The following WASF3 variants were observed in gnomAD, a reference collection of about 807,000 sequenced individuals.
WASF3 encodes WASP family member 3.
Under a neutral mutation model 46.6 loss-of-function variants are expected in WASF3, and 11 were observed. That is an observed-to-expected ratio of 0.24 (90% CI 0.15 to 0.39). The LOEUF is 0.39. Ranked by LOEUF, WASF3 falls within the 10% of genes least tolerant of loss-of-function variation. The probability of loss-of-function intolerance (pLI) is 1.00; values close to 1 mark genes in which losing one functional copy is unlikely to be tolerated. For synonymous variants in WASF3, 242 were observed against 259.7 expected (o/e 0.93, Z 0.65); for missense variants, 576 against 669.8 (o/e 0.86, Z 1.55).
intron 3 of WASF3, among the ~76,000 whole-genome samples, chr13:26,663,295 G>A (rs1882683352): frequency 6.6e-6 from 1 of 150,792 alleles, no homozygotes; most frequent in African/African-American, 2.5e-5. Context: ...ATGTTCAGTA[G>A]CTAGTTAGAT....
chr13:26,627,071 C>A (rs559372937), intron 2 of WASF3, among the ~76,000 whole-genome samples: 21 of 152,060 alleles, frequency 1.4e-4, no homozygotes, highest in Non-Finnish European at 2.5e-4. Context: ...AATCATTTGG[C>A]TTTAATTGGA....
At chr13:26,561,138 T>A (rs539488) in intron 1 of WASF3, among the ~76,000 whole-genome samples, 3 of 152,114 alleles carry the variant, frequency 2.0e-5, no homozygotes, top group East Asian at 1.9e-4. Flanking sequence ...GGACTGTGCC[T>A]TGTGGGGTCT....
chr13:26,546,594 C>T, the WASF3 span, among the ~76,000 whole-genome samples: 1 of 152,078 alleles, frequency 6.6e-6, no homozygotes, highest in Non-Finnish European at 1.5e-5. Flanking sequence ...TGCCTATAAT[C>T]CCAGCTACTT....
intron 1 of WASF3, among the ~76,000 whole-genome samples, chr13:26,559,231 T>C (rs1488580703): frequency 6.6e-6 from 1 of 152,242 alleles, no homozygotes; most frequent in Non-Finnish European, 1.5e-5. Context: ...TTTTCTTAGT[T>C]GGTATTCACA....
intron 1 of WASF3, among the ~76,000 whole-genome samples, chr13:26,610,199 A>G (rs945773991): frequency 6.6e-6 from 1 of 152,058 alleles, no homozygotes; most frequent in African/African-American, 2.4e-5. Flanking sequence ...TGTTCCCTTT[A>G]AAGAATCCTC....
At chr13:26,568,475 C>A (rs1170987119) in intron 1 of WASF3, among the ~76,000 whole-genome samples, 2 of 152,102 alleles carry the variant, frequency 1.3e-5, no homozygotes, top group Admixed American at 1.3e-4. Flanking sequence ...ACACCTTGAC[C>A]TGAGAATTTA....
intron 3 of WASF3, among the ~76,000 whole-genome samples, chr13:26,655,631 G>A (rs1251600975): frequency 6.6e-6 from 1 of 152,134 alleles, no homozygotes; most frequent in East Asian, 1.9e-4. Context: ...TTGCAGAATG[G>A]TGATTTTTTT....
At chr13:26,550,406 A>C in the WASF3 span, among the ~76,000 whole-genome samples, 1 of 152,320 alleles carries the variant, frequency 6.6e-6, no homozygotes, top group East Asian at 1.9e-4. Context: ...AACAGATCTT[A>C]TACACCAACA....
intron 7 of WASF3, among the ~76,000 whole-genome samples, chr13:26,677,296 C>T (rs1434037227): frequency 1.3e-5 from 2 of 152,144 alleles, no homozygotes; most frequent in Non-Finnish European, 2.9e-5. Flanking sequence ...TTCTTGCAGG[C>T]GTGAATGATG....
At chr13:26,592,971 A>G (rs1880348948) in intron 1 of WASF3, among the ~76,000 whole-genome samples, 1 of 152,136 alleles carries the variant, frequency 6.6e-6, no homozygotes, top group Non-Finnish European at 1.5e-5. Context: ...ATGTTTAAGC[A>G]GTCTAATATT....
chr13:26,662,879 A>G (rs1882671235), intron 3 of WASF3, among the ~76,000 whole-genome samples: 1 of 151,970 alleles, frequency 6.6e-6, no homozygotes, highest in African/African-American at 2.4e-5. Flanking sequence ...ATACACATAC[A>G]CATACACATA....
intron 2 of WASF3, among the ~76,000 whole-genome samples, chr13:26,635,103 C>T (rs1881777994): frequency 6.6e-6 from 1 of 152,212 alleles, no homozygotes; most frequent in Admixed American, 6.5e-5. Context: ...ATTCCATTCT[C>T]CCTGTTACTT....
At chr13:26,577,456 C>A in intron 1 of WASF3, 5 of 849,246 alleles carry the variant, frequency 5.9e-6, no homozygotes, top group Non-Finnish European at 8.1e-6. Flanking sequence ...TGATTCCAGA[C>A]AGCATTGGAA....
the WASF3 span, among the ~76,000 whole-genome samples, chr13:26,547,413 CA>C: frequency 5.5e-4 from 83 of 152,010 alleles, no homozygotes; most frequent in African/African-American, 2.0e-3. Flanking sequence ...CACACACACA[CA>C]CACACACACA....
chr13:26,554,273 G>A (rs1277784604), upstream of WASF3, among the ~76,000 whole-genome samples: 1 of 151,820 alleles, frequency 6.6e-6, no homozygotes, highest in Admixed American at 6.6e-5. Context: ...GGGACTACAG[G>A]CATATGCCAC....
the WASF3 span, among the ~76,000 whole-genome samples, chr13:26,551,277 C>A: frequency 3.3e-5 from 5 of 152,138 alleles, no homozygotes; most frequent in African/African-American, 1.2e-4. Context: ...ATTACTGAGT[C>A]TCAGGTAGTT....
At chr13:26,561,710 T>G (rs1879301157) in intron 1 of WASF3, among the ~76,000 whole-genome samples, 1 of 152,206 alleles carries the variant, frequency 6.6e-6, no homozygotes, top group East Asian at 1.9e-4. Flanking sequence ...TTCAAGCCTG[T>G]GGAAACTACT....
chr13:26,679,026 T>TCCGGCCCTC lies in WASF3; in HGVS notation c.717-2017_717-2009dup, dbSNP rs539380531. ...CTCCTCCTCCCGTGTCGGTGTCATC[T>TCCGGCCCTC]CCGGCCCTCCCGGCCCTCCTCCTCC... On this transcript the variant is annotated intron_variant, in intron 7 of 9. Transcript: ENST00000335327. The surrounding 1 kb of genome is among the most constrained non-coding windows in gnomAD (Gnocchi z 4.8). Among the ~76,000 whole-genome samples, 1 of 150,574 alleles carries TCCGGCCCTC rather than the reference T, an allele frequency of 6.6e-6. No homozygotes were observed. The highest frequency in any genetic ancestry group is 1.5e-5 in the Non-Finnish European group (1 of 67,680).
upstream of WASF3, among the ~76,000 whole-genome samples, chr13:26,557,526 C>T (rs887941874): frequency 6.6e-6 from 1 of 152,160 alleles, no homozygotes; most frequent in Admixed American, 6.5e-5. Context: ...CCCCTCGGCA[C>T]CGTCGCTCAG....
Sources: allele counts gnomAD v4.1 joint callset (sites outside exome capture counted in the v4.1 genomes callset), GRCh38; gene constraint gnomAD v4.1.1; non-coding constraint Gnocchi (gnomAD v3.1); transcripts MANE v1.5; gene names NCBI Gene and HGNC (gene_info 2026-07-23, HGNC 2026-07-21).